EYS: variants seen among roughly 807,000 people sequenced by gnomAD.
EYS encodes the protein EGF-like photoreceptor maintenance factor.
EYS carries 250 observed loss-of-function variants against 282.1 expected under a neutral mutation model. The observed-to-expected ratio is 0.89, with a 90% CI of 0.80 to 0.98. The LOEUF (loss-of-function observed/expected upper bound fraction) is 0.98. Ranked by LOEUF, EYS falls within the 50% of genes least tolerant of loss-of-function variation. The pLI is 0.00. For missense variants in EYS, 4,016 were observed against 3,709.0 expected, an observed-to-expected ratio of 1.08 and a Z score of -2.15; for synonymous variants, 1,355 against 1,282.9, an observed-to-expected ratio of 1.06 and a Z score of -1.20.
At chr6:63,722,502 CA>C (rs1299294393) in intron 42 of EYS, among the ~76,000 whole-genome samples, 1 of 152,138 alleles carries the variant, frequency 6.6e-6, no homozygotes, top group Non-Finnish European at 1.5e-5. Flanking sequence ...AAATACCATC[CA>C]GCATCTGAAG....
chr6:65,300,074 A>C (rs929383826), intron 11 of EYS, among the ~76,000 whole-genome samples: 1 of 152,132 alleles, frequency 6.6e-6, no homozygotes, highest in African/African-American at 2.4e-5. Context: ...GTTTTTAATC[A>C]CTATATTTTT....
chr6:65,021,370 A>G (rs533530175), intron 13 of EYS, among the ~76,000 whole-genome samples: 2 of 152,308 alleles, frequency 1.3e-5, no homozygotes, highest in African/African-American at 4.8e-5. Context: ...CTAAAGCATA[A>G]CAAGTGTCAC....
chr6:64,743,338 T>C (rs1772438509), intron 22 of EYS, among the ~76,000 whole-genome samples: 1 of 152,154 alleles, frequency 6.6e-6, no homozygotes, highest in Non-Finnish European at 1.5e-5. Context: ...CAATCTAAAA[T>C]GCCTTTTAAT....
intron 8 of EYS, among the ~76,000 whole-genome samples, chr6:65,366,399 A>T (rs966226821): frequency 6.6e-6 from 1 of 151,762 alleles, no homozygotes; most frequent in Non-Finnish European, 1.5e-5. Flanking sequence ...CCTGATCTAC[A>T]CTCAATCCAC....
intron 31 of EYS, among the ~76,000 whole-genome samples, chr6:64,156,839 T>A (rs752238213): frequency 3.9e-5 from 6 of 151,998 alleles, no homozygotes; most frequent in Non-Finnish European, 7.4e-5. Flanking sequence ...AAGAGGTGAG[T>A]TGGGTGTTGT....
chr6:64,493,218 C>T (rs1289066489), intron 26 of EYS, among the ~76,000 whole-genome samples: 1 of 151,332 alleles, frequency 6.6e-6, no homozygotes, highest in Non-Finnish European at 1.5e-5. Flanking sequence ...CAAACTACAG[C>T]AGACATGACT....
At chr6:63,939,073 G>C (rs1294898067) in intron 35 of EYS, among the ~76,000 whole-genome samples, 1 of 151,798 alleles carries the variant, frequency 6.6e-6, no homozygotes, top group Non-Finnish European at 1.5e-5. Flanking sequence ...TGGAACAGAG[G>C]CTTTCTGAAA....
chr6:65,360,349 T>A (rs1368564290), intron 8 of EYS, among the ~76,000 whole-genome samples: 1 of 151,992 alleles, frequency 6.6e-6, no homozygotes, highest in East Asian at 1.9e-4. Flanking sequence ...TAAAGTAAAA[T>A]CAATAGTAAT....
At chr6:64,866,008 T>C (rs1161230083) in intron 19 of EYS, among the ~76,000 whole-genome samples, 1 of 152,012 alleles carries the variant, frequency 6.6e-6, no homozygotes, top group African/African-American at 2.4e-5. Context: ...AGTTTGGAGA[T>C]TCTTTAAATT....
intron 5 of EYS, among the ~76,000 whole-genome samples, chr6:65,466,260 G>A (rs1163182204): frequency 6.6e-6 from 1 of 152,020 alleles, no homozygotes; most frequent in East Asian, 1.9e-4. Context: ...ATATTTTATT[G>A]AAGAATTTTG....
chr6:64,379,455 A>G (rs1772673586), intron 29 of EYS: 2 of 152,176 alleles, frequency 1.3e-5, no homozygotes, highest in Admixed American at 1.3e-4. Context: ...GATTTGATAA[A>G]TCTATTAACA....
At chr6:65,261,812 A>T (rs1453640874) in intron 12 of EYS, among the ~76,000 whole-genome samples, 1 of 151,954 alleles carries the variant, frequency 6.6e-6, no homozygotes, top group Admixed American at 6.6e-5. Context: ...TTGCTCATTA[A>T]ATAGAGTTGT....
intron 1 of EYS, among the ~76,000 whole-genome samples, chr6:65,690,729 T>C (rs72648383): frequency 0.37 from 55,682 of 149,548 alleles, 14,264 homozygotes; most frequent in Non-Finnish European, 0.52. Context: ...ATCCCTCCTC[T>C]AGCCCCCCAG....
At chr6:65,141,908 C>T (rs1489238053) in intron 12 of EYS, among the ~76,000 whole-genome samples, 1 of 151,856 alleles carries the variant, frequency 6.6e-6, no homozygotes, top group Non-Finnish European at 1.5e-5. Flanking sequence ...ATAAGCAGAT[C>T]TACTCTAAAA....
At chr6:64,008,033 T>C (rs1768433237) in intron 33 of EYS, among the ~76,000 whole-genome samples, 1 of 152,192 alleles carries the variant, frequency 6.6e-6, no homozygotes, top group South Asian at 2.1e-4. Flanking sequence ...AATATCTTTG[T>C]CAGTTTTCTG....
At chr6:64,829,254 C>T (rs915899358) in intron 19 of EYS, among the ~76,000 whole-genome samples, 5 of 152,042 alleles carry the variant, frequency 3.3e-5, no homozygotes, top group African/African-American at 1.2e-4. Flanking sequence ...ATCTGTCCTT[C>T]TCTGGCATCA....
At chr6:64,125,143 A>ACTCTCTCTCTCTCTCTCT (rs1562213495) in intron 31 of EYS, among the ~76,000 whole-genome samples, 1 of 147,298 alleles carries the variant, frequency 6.8e-6, no homozygotes, top group African/African-American at 2.6e-5. Flanking sequence ...ACACACACAC[A>ACTCTCTCTCTCTCTCTCT]CACACTCTCT....
At chr6:64,843,488 A>G (rs1450697991) in intron 19 of EYS, among the ~76,000 whole-genome samples, 1 of 152,204 alleles carries the variant, frequency 6.6e-6, no homozygotes, top group African/African-American at 2.4e-5. Flanking sequence ...TGGATGTGAG[A>G]CATGGAGTCA....
intron 2 of EYS, among the ~76,000 whole-genome samples, chr6:65,523,434 G>C (rs1767444627): frequency 6.6e-6 from 1 of 152,112 alleles, no homozygotes; most frequent in Non-Finnish European, 1.5e-5. Context: ...GACACAGAGA[G>C]AAAAATAGTG....
Sources: allele counts gnomAD v4.1 joint callset (sites outside exome capture counted in the v4.1 genomes callset), GRCh38; gene constraint gnomAD v4.1.1; transcripts MANE v1.5; gene names NCBI Gene and HGNC (gene_info 2026-07-23, HGNC 2026-07-21).